Variants in CAPZA1 observed in about 807,000 individuals in gnomAD.
CAPZA1 encodes the protein F-actin-capping protein subunit alpha-1.
CAPZA1 carries 10 observed loss-of-function variants against 40.8 expected under a neutral mutation model. The ratio of observed to expected loss-of-function variants is 0.25; its 90% CI spans 0.15 to 0.42. The LOEUF is 0.42. CAPZA1 is among the 10% of genes least tolerant of loss of function. CAPZA1 has a pLI of 1.00. For missense variants in CAPZA1, 277 were observed against 353.8 expected, an observed-to-expected ratio of 0.78 and a Z score of 1.74; for synonymous variants, 98 against 115.0, an observed-to-expected ratio of 0.85 and a Z score of 0.95.
intron 5 of CAPZA1, among the ~76,000 whole-genome samples, chr1:112,657,278 T>C (rs1671517408): frequency 2.0e-5 from 3 of 152,170 alleles, no homozygotes; most frequent in African/African-American, 7.2e-5. Context: ...TCTCCTTCTT[T>C]GTCTGCCCTT....
At chr1:112,660,838 C>CTTTTTTTTTTT (rs67876993) in intron 7 of CAPZA1, among the ~76,000 whole-genome samples, 3 of 66,012 alleles carry the variant, frequency 4.5e-5, no homozygotes, top group African/African-American at 2.0e-4. Context: ...CAAGAGTTGT[C>CTTTTTTTTTTT]TTTTTTTTTT....
intron 2 of CAPZA1, among the ~76,000 whole-genome samples, chr1:112,649,199 C>T (rs1671339766): frequency 6.6e-6 from 1 of 152,196 alleles, no homozygotes; most frequent in Admixed American, 6.5e-5. Context: ...CCATGTTTGT[C>T]ATTTGCTATA....
chr1:112,653,733 T>C, intron 4 of CAPZA1, 72 bp downstream of exon 4: 1 of 999,848 alleles, frequency 1.0e-6, no homozygotes, highest in Non-Finnish European at 1.5e-6. Flanking sequence ...CCAAAGCAGA[T>C]GTCTGAACCA....
Position 112,670,104 on chromosome 1 carries a change from A to G in CAPZA1, c.833A>G (p.Lys278Arg). The G allele has an allele frequency of 6.2e-7, 1 of 1,613,992 alleles. No individual in the cohort carries two copies. The highest frequency in any genetic ancestry group is 8.5e-7 in the Non-Finnish European group (1 of 1,179,858). The part of the protein sequence containing the change: ...KIDWNKILSY[K>R]IGKEMQNA ...GACTGGAACAAGATACTCAGCTACA[A>G]GATTGGCAAAGAAATGCAGAATGCT... is the stretch of plus-strand genomic sequence containing the variant. The change falls in exon 10 of 10, where the codon AAG becomes AGG. Residue 278 changes from lysine to arginine, a missense_variant. Coordinates refer to ENST00000263168, the MANE Select transcript of CAPZA1 (RefSeq NM_006135.3).
Position 112,670,586 on chromosome 1 carries a change from A to G in CAPZA1, c.*454A>G, listed in dbSNP as rs1671811126. On this transcript the variant is annotated 3_prime_UTR_variant, in exon 10 of 10. Transcript: ENST00000263168. ...CACCAACACCTAAAGAGGCTATGCT[A>G]CAGTCTCTAGCTAAATGGAAGACAC... 1 of 154,074 alleles carries G rather than the reference A, an allele frequency of 6.5e-6. No homozygotes were observed. Among genetic ancestry groups the G allele is most frequent in the African/African-American group, 2.4e-5 (1 of 41,462 alleles). The allele number at this position is 154,074 out of a possible 1,614,324, so 9.5% of individuals were successfully genotyped here.
chr1:112,654,546 T>C lies in CAPZA1; in HGVS notation c.301T>C (p.Leu101=). 1 of 1,614,028 alleles carries C rather than the reference T, an allele frequency of 6.2e-7. No individual in the cohort carries two copies. Among genetic ancestry groups the C allele is most frequent in the East Asian group, 2.2e-5 (1 of 44,876 alleles). Residue 101 remains leucine (L), a synonymous_variant, in exon 5 of 10, where the codon TTA becomes CTA. Transcript: ENST00000263168. ...RNKISFKFDH[L]RKEASDPQPE... is the part of the protein sequence containing the mutation. ...CAAAATTTCCTTTAAATTTGACCACTTACGGAAAGAAGCAAGTGACCCCCA... is the reference window on the plus strand; with the variant it reads ...CAAAATTTCCTTTAAATTTGACCACCTACGGAAAGAAGCAAGTGACCCCCA...
chr1:112,645,583 A>G (rs1166121143), intron 1 of CAPZA1, among the ~76,000 whole-genome samples: 1 of 152,148 alleles, frequency 6.6e-6, no homozygotes, highest in Non-Finnish European at 1.5e-5. Flanking sequence ...ACAGTGAACT[A>G]GGATCACACC....
intron 7 of CAPZA1, among the ~76,000 whole-genome samples, chr1:112,666,421 G>A (rs1288814870): frequency 6.6e-6 from 1 of 152,164 alleles, no homozygotes; most frequent in Non-Finnish European, 1.5e-5. Flanking sequence ...CCTATCTTAA[G>A]TTGCCAAAAC....
chr1:112,658,490 G>A (rs777762164), intron 5 of CAPZA1, among the ~76,000 whole-genome samples: 5 of 152,028 alleles, frequency 3.3e-5, no homozygotes, highest in Admixed American at 6.6e-5. Context: ...GCTTTTCTTC[G>A]TTTTATCTTG....
At chr1:112,628,990 T>C (rs1261168779) in intron 1 of CAPZA1, among the ~76,000 whole-genome samples, 1 of 152,204 alleles carries the variant, frequency 6.6e-6, no homozygotes, top group Non-Finnish European at 1.5e-5. Context: ...TTTCCCTGCT[T>C]CTGCTGTTGC....
At chr1:112,629,357 C>A (rs1335983138) in intron 1 of CAPZA1, among the ~76,000 whole-genome samples, 1 of 152,130 alleles carries the variant, frequency 6.6e-6, no homozygotes, top group Non-Finnish European at 1.5e-5. Flanking sequence ...TTTCTTGTCC[C>A]TTTTCTTTGC....
intron 7 of CAPZA1, among the ~76,000 whole-genome samples, chr1:112,664,030 G>A (rs573621355): frequency 4.6e-5 from 7 of 152,002 alleles, no homozygotes; most frequent in East Asian, 3.9e-4. Flanking sequence ...TCAAGAGATC[G>A]AGACCAGCCT....
chr1:112,649,032 A>G (rs1435525302), intron 2 of CAPZA1, among the ~76,000 whole-genome samples: 1 of 151,814 alleles, frequency 6.6e-6, no homozygotes, highest in Admixed American at 6.6e-5. Context: ...CCCACATTAG[A>G]TTCTCCAAGG....
chr1:112,623,784 G>A (rs1198974031), intron 1 of CAPZA1, among the ~76,000 whole-genome samples: 3 of 151,386 alleles, frequency 2.0e-5, no homozygotes, highest in African/African-American at 4.8e-5. Flanking sequence ...TCAGGAGATC[G>A]AGACCTGACC....
At chr1:112,662,395 C>CTTTTTTTTTTTTTTTTTTTTTTTT (rs35100851) in intron 7 of CAPZA1, among the ~76,000 whole-genome samples, 1 of 97,260 alleles carries the variant, frequency 1.0e-5, no homozygotes. Flanking sequence ...TAGAATTTTT[C>CTTTTTTTTTTTTTTTTTTTTTTTT]TTTTTTTTTT....
intron 2 of CAPZA1, among the ~76,000 whole-genome samples, chr1:112,647,703 G>A (rs1353049084): frequency 6.6e-6 from 1 of 152,172 alleles, no homozygotes; most frequent in Non-Finnish European, 1.5e-5. Flanking sequence ...TATTAAATAT[G>A]CAGATTCAAC....
At chr1:112,638,161 A>G (rs2101150080) in intron 1 of CAPZA1, among the ~76,000 whole-genome samples, 1 of 152,306 alleles carries the variant, frequency 6.6e-6, no homozygotes, top group South Asian at 2.1e-4. Flanking sequence ...ACATTTGAAC[A>G]GAGACTAAAT....
At chr1:112,661,678 T>C (rs1671611377) in intron 7 of CAPZA1, among the ~76,000 whole-genome samples, 1 of 152,256 alleles carries the variant, frequency 6.6e-6, no homozygotes, top group African/African-American at 2.4e-5. Context: ...AAGCTTATTG[T>C]AAATTTTGTG....
intron 1 of CAPZA1, among the ~76,000 whole-genome samples, chr1:112,646,315 C>A (rs1462472890): frequency 1.3e-5 from 2 of 152,152 alleles, no homozygotes; most frequent in Admixed American, 1.3e-4. Flanking sequence ...CACGGTGGCT[C>A]ACACCAATAA....
Sources: allele counts gnomAD v4.1 joint callset (sites outside exome capture counted in the v4.1 genomes callset), GRCh38; gene constraint gnomAD v4.1.1; transcripts MANE v1.5; gene names NCBI Gene and HGNC (gene_info 2026-07-23, HGNC 2026-07-21).